The following RAN variants were observed in gnomAD, a reference collection of about 807,000 sequenced individuals.
RAN encodes the protein RAN, member RAS oncogene family, also known as GTP-binding nuclear protein Ran.
In RAN, 2 loss-of-function variants were observed where a neutral mutation model predicts 26.8. That is an observed-to-expected ratio of 0.07 (90% CI 0.03 to 0.23). The LOEUF (loss-of-function observed/expected upper bound fraction) is 0.23. Ranked by LOEUF, RAN falls within the 10% of genes least tolerant of loss-of-function variation. The pLI is 1.00. For synonymous variants in RAN, 132 were observed against 95.9 expected (o/e 1.38, Z -2.20); for missense variants, 56 against 264.8 (o/e 0.21, Z 5.47).
intron 2 of RAN, 56 bp downstream of exon 2, chr12:130,872,685 G>T: frequency 1.3e-6 from 2 of 1,534,486 alleles, no homozygotes; most frequent in South Asian, 2.5e-5. Context: ...CGACTCGCGG[G>T]TCCCTCCTCC....
At chr12:130,872,710 C>G (rs1180474090) in intron 2 of RAN, 81 bp downstream of exon 2, 85 of 1,551,982 alleles carry the variant, frequency 5.5e-5, no homozygotes, top group Non-Finnish European at 7.2e-5. Flanking sequence ...GCCACGATGG[C>G]TGTAATGGGG....
rs1179507615 is a variant in RAN, at chr12:130,872,984, C to T, written c.122-19C>T. 6.2e-7 allele frequency: 1 copy of T among 1,614,074 alleles called. No homozygotes were observed. Among genetic ancestry groups the T allele is most frequent in the East Asian group, 2.2e-5 (1 of 44,904 alleles). ...AAATGGGTAAGTTCATCCACTCAAT[C>T]GCATCGTTTCCGTTTCAGCCACCTT... is the stretch of plus-strand genomic sequence containing the variant. On this transcript the variant is annotated intron_variant, in intron 3 of 6. Coordinates refer to ENST00000543796, the MANE Select transcript of RAN (RefSeq NM_006325.5).
rs1386276274 is a variant in RAN, at chr12:130,877,118, T to G, written c.*1192T>G. 1 of 152,026 alleles carries G rather than the reference T, an allele frequency of 6.6e-6. No individual in the cohort carries two copies. Among genetic ancestry groups the G allele is most frequent in the Non-Finnish European group, 1.5e-5 (1 of 68,026 alleles). 9.4% of individuals were successfully genotyped at this position (152,026 alleles called of 1,614,324 possible). A position where few individuals can be genotyped will look rare whatever the true frequency, so the allele number is the denominator to read the frequency against. Reference sequence around the variant, plus strand: ...TTTCCACATTTAAAAATGAATTAGGTCTATTAGGATAATTAGGAGTTTGAT... The same window carrying G: ...TTTCCACATTTAAAAATGAATTAGGGCTATTAGGATAATTAGGAGTTTGAT... On this transcript the variant is annotated 3_prime_UTR_variant, in exon 7 of 7. Transcript: ENST00000543796.
intron 4 of RAN, 92 bp from the exon 5 acceptor site, chr12:130,874,454 A>G: frequency 5.8e-6 from 6 of 1,042,954 alleles, no homozygotes; most frequent in Non-Finnish European, 7.0e-6. Context: ...GAGGTCTAAG[A>G]CTATAACTAG....
In RAN at chr12:130,874,271, A is replaced by G. The variant is rs984874498; in HGVS notation, c.248-275A>G. ...TGGCAGCTTGGTTATCCAGAATCTC[A>G]TTTAGCATTAATTACTTCAGATACT... is the stretch of plus-strand genomic sequence containing the variant. On this transcript the variant is annotated intron_variant, in intron 4 of 6. Transcript: ENST00000543796. 12 of 362,794 alleles carry G rather than the reference A, an allele frequency of 3.3e-5. No individual in the cohort carries two copies. The East Asian group carries it at 3.4e-4, about 10-fold the overall frequency. 22.5% of individuals were successfully genotyped at this position (362,794 alleles called of 1,614,324 possible). A position where few individuals can be genotyped will look rare whatever the true frequency, so the allele number is the denominator to read the frequency against.
At chr12:130,872,486 T>C in intron 1 of RAN, 98 bp from the exon 2 acceptor site, 1 of 878,666 alleles carries the variant, frequency 1.1e-6, no homozygotes, top group Non-Finnish European at 1.5e-6. Flanking sequence ...CGGGAGGCCT[T>C]TGTGGGGCGG....
intron 4 of RAN, 164 bp from the exon 5 acceptor site, chr12:130,874,382 A>G (rs1007905035): frequency 7.0e-6 from 4 of 573,862 alleles, no homozygotes; most frequent in Non-Finnish European, 1.2e-5. Flanking sequence ...GGAATTGTGT[A>G]TTAACATTTT....
At chr12:130,872,790 G>A (rs768389875) in intron 2 of RAN, 46 bp from the exon 3 acceptor site, 1 of 1,601,202 alleles carries the variant, frequency 6.2e-7, no homozygotes, top group Non-Finnish European at 8.6e-7. Context: ...GGGATCTTGA[G>A]AGGTGAAGTG....
chr12:130,874,696 C>T lies in RAN; in HGVS notation c.398C>T (p.Ala133Val). The change falls in exon 5 of 7, where the codon GCG becomes GTG. Residue 133 changes from alanine (A) to valine (V), a missense_variant. Ala to Val is a moderately conservative substitution (Grantham distance 64). This residue lies in a region of RAN where 39 missense variants were observed against 248.7 expected (regional missense o/e 0.16). Coordinates refer to ENST00000543796, the MANE Select transcript of RAN (RefSeq NM_006325.5). Reference sequence around the variant, plus strand: ...GATATTAAGGACAGGAAAGTGAAGGCGAAATCCATTGTCTTCCACCGAAAG... The same window carrying T: ...GATATTAAGGACAGGAAAGTGAAGGTGAAATCCATTGTCTTCCACCGAAAG... Reference protein sequence around the residue: ...KVDIKDRKVKAKSIVFHRKKN... With the variant: ...KVDIKDRKVKVKSIVFHRKKN... 1.2e-6 allele frequency: 2 copies of T among 1,613,278 alleles called. No individual in the cohort carries two copies. Among genetic ancestry groups the T allele is most frequent in the Non-Finnish European group, 1.7e-6 (2 of 1,179,590 alleles).
Position 130,874,329 on chromosome 12 carries a change from T to G in RAN, c.248-217T>G, listed in dbSNP as rs948197259. The G allele has an allele frequency of 1.5e-5, 7 of 473,692 alleles. No individual in the cohort carries two copies. In the East Asian group the frequency reaches 2.3e-4, roughly 16 times the overall value. The allele number at this position is 473,692 out of a possible 1,614,324, so 29.3% of individuals were successfully genotyped here. A position where few individuals can be genotyped will look rare whatever the true frequency, so the allele number is the denominator to read the frequency against. On this transcript the variant is annotated intron_variant, in intron 4 of 6. Transcript: ENST00000543796. ...GATGAGGGGAGTATTAATGGTGAAG[T>G]ATATCAGGGAGATTTGATAGGGTCA...
rs753827710 is a variant in RAN, at chr12:130,876,489, A to T, written c.*563A>T. 6 of 156,708 alleles carry T rather than the reference A, an allele frequency of 3.8e-5. No individual in the cohort carries two copies. Among genetic ancestry groups the T allele is most frequent in the Non-Finnish European group, 8.4e-5 (6 of 71,088 alleles). The allele number at this position is 156,708 out of a possible 1,614,324, so 9.7% of individuals were successfully genotyped here. ...GGTCAGCAGTATTCTATTTGGTTAG[A>T]AGGGTTACATGGTGTAAATATTAGT... On this transcript the variant is annotated 3_prime_UTR_variant, in exon 7 of 7. Coordinates refer to ENST00000543796, the MANE Select transcript of RAN (RefSeq NM_006325.5).
At chr12:130,874,384 T>G (rs1230487373) in intron 4 of RAN, 162 bp from the exon 5 acceptor site, 1 of 576,388 alleles carries the variant, frequency 1.7e-6, no homozygotes, top group Non-Finnish European at 3.0e-6. Flanking sequence ...AATTGTGTAT[T>G]AACATTTTTA....
At chr12:130,872,515 G>C in intron 1 of RAN, 69 bp from the exon 2 acceptor site, 1 of 1,194,236 alleles carries the variant, frequency 8.4e-7, no homozygotes, top group Non-Finnish European at 1.1e-6. Flanking sequence ...GGCGCTGGGG[G>C]CGCGGGAGCG....
At position 130,873,255 on chromosome 12, in the gene RAN, T is replaced by G. The variant is rs1295957447; in HGVS notation, c.247+127T>G. On this transcript the variant is annotated intron_variant, in intron 4 of 6. Coordinates refer to ENST00000543796, the MANE Select transcript of RAN (RefSeq NM_006325.5). ...TTGGGTTAAAAAAAGACAAGTGGAC[T>G]TCGGGGAGTTGACCACCATTTTGGT... The G allele has an allele frequency of 2.3e-6, 3 of 1,310,860 alleles. No individual in the cohort carries two copies. The East Asian group carries it at 7.0e-5, about 31-fold the overall frequency. 81.2% of individuals were successfully genotyped at this position (1,310,860 alleles called of 1,614,324 possible). A position where few individuals can be genotyped will look rare whatever the true frequency, so the allele number is the denominator to read the frequency against.
In RAN at chr12:130,874,734, G is replaced by C; in HGVS notation, c.435+1G>C. On this transcript the variant is annotated splice_donor_variant, in intron 5 of 6. Coordinates refer to ENST00000543796, the MANE Select transcript of RAN (RefSeq NM_006325.5). LOFTEE classifies it high-confidence loss of function. Reference sequence around the variant, plus strand: ...CTTCCACCGAAAGAAGAATCTTCAGGTGTGTAAAATTAAAACTTCCTGAGT... The same window carrying C: ...CTTCCACCGAAAGAAGAATCTTCAGCTGTGTAAAATTAAAACTTCCTGAGT... The C allele has an allele frequency of 6.2e-7, 1 of 1,608,682 alleles. No homozygotes were observed. Among genetic ancestry groups the C allele is most frequent in the Non-Finnish European group, 8.5e-7 (1 of 1,176,846 alleles).
At chr12:130,875,497 A>T in intron 5 of RAN, 115 bp from the exon 6 acceptor site, 1 of 987,406 alleles carries the variant, frequency 1.0e-6, no homozygotes, top group Non-Finnish European at 1.5e-6. Context: ...GATTACAGGC[A>T]TGAGCCACCA....
At chr12:130,874,764 T>C (rs1388931690) in intron 5 of RAN, 31 bp downstream of exon 5, 1 of 1,551,164 alleles carries the variant, frequency 6.4e-7, no homozygotes, top group Non-Finnish European at 8.9e-7. Flanking sequence ...CTGAGTTATT[T>C]CTCTTAGCGG....
At chr12:130,874,445 A>T in intron 4 of RAN, 101 bp from the exon 5 acceptor site, 1 of 883,386 alleles carries the variant, frequency 1.1e-6, no homozygotes, top group Non-Finnish European at 1.7e-6. Flanking sequence ...TGACTCGTTG[A>T]GGTCTAAGAC....
chr12:130,875,719 T>C lies in RAN; in HGVS notation c.543T>C (p.Ala181=). Residue 181 remains alanine, a synonymous_variant, in exon 6 of 7, where the codon GCT becomes GCC. Coordinates refer to ENST00000543796, the MANE Select transcript of RAN (RefSeq NM_006325.5). ...ACTTGGAATTTGTTGCCATGCCTGC[T>C]CTCGCCCCACCAGAAGTTGTCATGG... The part of the protein sequence containing the change: ...DPNLEFVAMP[A]LAPPEVVMDP... The C allele has an allele frequency of 6.2e-7, 1 of 1,614,154 alleles. No homozygotes were observed. Among genetic ancestry groups the C allele is most frequent in the Non-Finnish European group, 8.5e-7 (1 of 1,180,006 alleles).
Sources: allele counts gnomAD v4.1 joint callset, GRCh38; gene constraint gnomAD v4.1.1; regional missense constraint gnomAD v4.1.1; transcripts MANE v1.5; gene names NCBI Gene and HGNC (gene_info 2026-07-23, HGNC 2026-07-21).